The following MPO variants were observed in gnomAD, a reference collection of about 807,000 sequenced individuals.
The protein encoded by MPO is myeloperoxidase.
MPO carries 57 observed loss-of-function variants against 69.4 expected under a neutral mutation model. The observed-to-expected ratio is 0.82, with a 90% CI of 0.66 to 1.02. The LOEUF is 1.02. Among genes scored for constraint, MPO ranks in the 50% least tolerant of loss-of-function variants. The pLI is 0.00. For synonymous variants in MPO, 426 were observed against 417.1 expected (o/e 1.02, Z -0.26); for missense variants, 971 against 1,014.1 (o/e 0.96, Z 0.58).
intron 6 of MPO, 61 bp from the exon 7 acceptor site, chr17:58,278,206 C>T: frequency 6.4e-7 from 1 of 1,571,484 alleles, no homozygotes; most frequent in Non-Finnish European, 8.6e-7. Context: ...CCAGGCAGAA[C>T]TGGATCTCCC....
intron 6 of MPO, 107 bp downstream of exon 6, chr17:58,278,901 C>T: frequency 7.4e-7 from 1 of 1,344,946 alleles, no homozygotes; most frequent in Non-Finnish European, 1.0e-6. Context: ...CAGGGCCAGC[C>T]TTCCTCAGCG....
chr17:58,280,870 T>A lies in MPO; in HGVS notation c.-112A>T. ...GAGGGAGGGGCTCACTGCTCTCTTATCCCCTTGCCAGCTGCTGTCATCCAG... is the reference window on the plus strand; with the variant it reads ...GAGGGAGGGGCTCACTGCTCTCTTAACCCCTTGCCAGCTGCTGTCATCCAG... On this transcript the variant is annotated 5_prime_UTR_variant, in exon 1 of 12. Coordinates refer to ENST00000225275, the MANE Select transcript of MPO (RefSeq NM_000250.2). 7.7e-7 allele frequency: 1 copy of A among 1,301,048 alleles called. No homozygotes were observed. The highest frequency in any genetic ancestry group is 1.1e-6 in the Non-Finnish European group (1 of 937,540). 80.6% of individuals were successfully genotyped at this position (1,301,048 alleles called of 1,614,324 possible).
chr17:58,278,243 C>T, intron 6 of MPO, 98 bp from the exon 7 acceptor site: 1 of 1,421,438 alleles, frequency 7.0e-7, no homozygotes, highest in African/African-American at 1.4e-5. Flanking sequence ...CTGGTACCCT[C>T]AACCTGCAGA....
At position 58,270,120 on chromosome 17, in the gene MPO, A is replaced by G. The variant is rs979858755; in HGVS notation, c.*536T>C. 4.3e-5 allele frequency: 8 copies of G among 185,970 alleles called. No homozygotes were observed. The highest frequency in any genetic ancestry group is 1.9e-4 in the African/African-American group (8 of 42,602). The allele number at this position is 185,970 out of a possible 1,614,324, so 11.5% of individuals were successfully genotyped here. A position where few individuals can be genotyped will look rare whatever the true frequency, so the allele number is the denominator to read the frequency against. On this transcript the variant is annotated 3_prime_UTR_variant, in exon 12 of 12. Transcript: ENST00000225275. The surrounding 1 kb of genome is among the most constrained non-coding windows in gnomAD (Gnocchi z 4.1). ...ACCAGGACACAGATGGCATCTTGGT[A>G]TCTCTTTCTTGCCTCTATATGCTTC... is the stretch of plus-strand genomic sequence containing the variant.
chr17:58,273,319 C>A (rs998586654), intron 9 of MPO, 95 bp downstream of exon 9: 1 of 1,585,942 alleles, frequency 6.3e-7, no homozygotes, highest in Non-Finnish European at 8.6e-7. Context: ...GGGAGGAAAG[C>A]AGACTGCTCC....
At position 58,278,090 on chromosome 17, in the gene MPO, C is replaced by A. The variant is rs1396414568; in HGVS notation, c.941G>T (p.Arg314Leu). 1 of 1,609,150 alleles carries A rather than the reference C, an allele frequency of 6.2e-7. No individual in the cohort carries two copies. Among genetic ancestry groups the A allele is most frequent in the Non-Finnish European group, 8.5e-7 (1 of 1,179,982 alleles). Residue 314 changes from arginine to leucine, a missense_variant, in exon 7 of 12, where the codon CGC becomes CTC. Transcript: ENST00000225275. ...KNQADCIPFFRSCPACPGSNI... is the reference protein window; with the variant it reads ...KNQADCIPFFLSCPACPGSNI... ...GCTCCCGGGGCAAGCCGGGCAGGAG[C>A]GGAAGAACGGGATGCAGTCGGCTTG... is the stretch of plus-strand genomic sequence containing the variant.
chr17:58,274,161 G>A (rs757745196), intron 8 of MPO: 5 of 497,784 alleles, frequency 1.0e-5, no homozygotes, highest in African/African-American at 7.7e-5. Context: ...AAAGCAGGGA[G>A]GCAGGAAGGA....
In MPO at chr17:58,275,300, A is replaced by T. The variant is rs1259665587; in HGVS notation, c.1365+242T>A. 2.6e-5 allele frequency among the ~76,000 whole-genome samples: 4 copies of T among 152,212 alleles called. No individual in the cohort carries two copies. Among genetic ancestry groups the T allele is most frequent in the African/African-American group, 7.2e-5 (3 of 41,460 alleles). ...ACATTCAACCCTCCCAACACCAATA[A>T]CAGACCCACAGGAAAGAAGACTGCA... On this transcript the variant is annotated intron_variant, in intron 8 of 11. Coordinates refer to ENST00000225275, the MANE Select transcript of MPO (RefSeq NM_000250.2). This position sits in a 1 kb window ranked among gnomAD's most constrained non-coding sequence, Gnocchi z 4.1.
At chr17:58,272,630 G>A in intron 10 of MPO, 118 bp downstream of exon 10, 1 of 1,208,656 alleles carries the variant, frequency 8.3e-7, no homozygotes. Context: ...TGAGAGCAAA[G>A]TGCCTCTAAT....
intron 9 of MPO, 106 bp from the exon 10 acceptor site, chr17:58,273,024 G>T: frequency 7.0e-7 from 1 of 1,423,554 alleles, no homozygotes. Flanking sequence ...TCGAGAAGAG[G>T]GCTGGGCACA....
In MPO at chr17:58,275,602, A is replaced by C. The variant is rs766193981; in HGVS notation, c.1305T>G (p.Pro435=). Residue 435 remains proline (P), a synonymous_variant, in exon 8 of 12, where the codon CCT becomes CCG. Transcript: ENST00000225275. This position sits in a 1 kb window ranked among gnomAD's most constrained non-coding sequence, Gnocchi z 4.1. ...GGTAGAGCCTCTCCCCATCCCACCT[A>C]GGGTTCAGGCTCTTGAGCTCTGTGG... ...RLATELKSLN[P]RWDGERLYQE... The C allele has an allele frequency of 1.9e-6, 3 of 1,613,888 alleles. No homozygotes were observed. In the South Asian group the frequency reaches 3.3e-5, roughly 18 times the overall value.
At position 58,275,435 on chromosome 17, in the gene MPO, G is replaced by A. The variant is rs1970424046; in HGVS notation, c.1365+107C>T. On this transcript the variant is annotated intron_variant, in intron 8 of 11. Coordinates refer to ENST00000225275, the MANE Select transcript of MPO (RefSeq NM_000250.2). The surrounding 1 kb of genome is among the most constrained non-coding windows in gnomAD (Gnocchi z 4.1). ...TTATAATCCTTACAGCCTCATGGATGAAGAAGGCAAGGCTCAGGAGCGTTA... is the reference window on the plus strand; with the variant it reads ...TTATAATCCTTACAGCCTCATGGATAAAGAAGGCAAGGCTCAGGAGCGTTA... 1 of 1,406,258 alleles carries A rather than the reference G, an allele frequency of 7.1e-7. No individual in the cohort carries two copies. The highest frequency in any genetic ancestry group is 1.4e-5 in the African/African-American group (1 of 71,000). The allele number at this position is 1,406,258 out of a possible 1,614,324, so 87.1% of individuals were successfully genotyped here.
chr17:58,275,671 G>C lies in MPO; in HGVS notation c.1236C>G (p.Leu412=), dbSNP rs1970427193. 1 of 1,614,198 alleles carries C rather than the reference G, an allele frequency of 6.2e-7. No homozygotes were observed. The highest frequency in any genetic ancestry group is 2.2e-5 in the East Asian group (1 of 44,878). The change falls in exon 8 of 12, where the codon CTC becomes CTG. Residue 412 remains leucine, a synonymous_variant. Coordinates refer to ENST00000225275, the MANE Select transcript of MPO (RefSeq NM_000250.2). This position sits in a 1 kb window ranked among gnomAD's most constrained non-coding sequence, Gnocchi z 4.1. ...GDTRSSEMPE[L]TSMHTLLLRE... ...GAAGTAAGAGGGTGTGCATGGAGGT[G>C]AGCTCGGGCATCTCACTGGAACGGG...
chr17:58,279,400 T>C lies in MPO; in HGVS notation c.575A>G (p.Asn192Ser). ...NRRSPTLGAS[N>S]RAFVRWLPAE... ...CGGCAGCCAGCGCACAAAGGCACGG[T>C]TGGAGGCCCCCAGCGTGGGGCTGCG... Residue 192 changes from asparagine to serine, a missense_variant, in exon 5 of 12, where the codon AAC becomes AGC. Physicochemically the swap from Asn to Ser is conservative, Grantham distance 46. Coordinates refer to ENST00000225275, the MANE Select transcript of MPO (RefSeq NM_000250.2). 6.2e-7 allele frequency: 1 copy of C among 1,608,148 alleles called. No individual in the cohort carries two copies. Among genetic ancestry groups the C allele is most frequent in the Non-Finnish European group, 8.5e-7 (1 of 1,177,640 alleles).
chr17:58,278,671 G>A (rs975166343), intron 6 of MPO, among the ~76,000 whole-genome samples: 1 of 152,104 alleles, frequency 6.6e-6, no homozygotes, highest in South Asian at 2.1e-4. Flanking sequence ...GGCTTGGGGG[G>A]CACTGAGAAG....
rs1324807483 is a variant in MPO at position 58,279,820 on chromosome 17, G to C, written c.424+19C>G. ...GTCACTAGTGGAGCAGGGACCTGGG[G>C]TGTGATGGGCAACAGTACCAGTGAC... is the stretch of plus-strand genomic sequence containing the variant. On this transcript the variant is annotated intron_variant, in intron 3 of 11. Coordinates refer to ENST00000225275, the MANE Select transcript of MPO (RefSeq NM_000250.2). The C allele has an allele frequency of 1.2e-6, 2 of 1,613,910 alleles. No individual in the cohort carries two copies. Among genetic ancestry groups the C allele is most frequent in the Non-Finnish European group, 1.7e-6 (2 of 1,179,986 alleles).
intron 9 of MPO, 122 bp downstream of exon 9, chr17:58,273,292 G>A: frequency 6.8e-7 from 1 of 1,478,446 alleles, no homozygotes; most frequent in South Asian, 1.2e-5. Flanking sequence ...TAGAGAGTCA[G>A]ACCAGATCTC....
rs762528347 is a variant in MPO at position 58,272,865 on chromosome 17, G to T, written c.1675C>A (p.Arg559Ser). Residue 559 changes from arginine to serine, a missense_variant, in exon 10 of 12, where the codon CGT (arginine) becomes AGT (serine). By Grantham distance (110) the Arg-to-Ser change is moderately radical. Coordinates refer to ENST00000225275, the MANE Select transcript of MPO (RefSeq NM_000250.2). ...TCATCCACTGCAATTTGGTTCTGAC[G>T]ATTCAGCTTGGCAGGGGTGGCCATG... The part of the protein sequence containing the change: ...GLMATPAKLN[R>S]QNQIAVDEIR... 1 of 1,614,178 alleles carries T rather than the reference G, an allele frequency of 6.2e-7. No homozygotes were observed. Among genetic ancestry groups the T allele is most frequent in the South Asian group, 1.1e-5 (1 of 91,080 alleles).
rs1970509598 is a variant in MPO, at chr17:58,280,832, G to A, written c.-74C>T. 3 of 1,571,694 alleles carry A rather than the reference G, an allele frequency of 1.9e-6. No homozygotes were observed. The highest frequency in any genetic ancestry group is 2.6e-6 in the Non-Finnish European group (3 of 1,151,410). Reference sequence around the variant, plus strand: ...TCAGAGGGCCCTGTCTATGGATAAAGCCAGACCTCCTTGAGGGAGGGGCTC... The same window carrying A: ...TCAGAGGGCCCTGTCTATGGATAAAACCAGACCTCCTTGAGGGAGGGGCTC... On this transcript the variant is annotated 5_prime_UTR_variant, in exon 1 of 12. Coordinates refer to ENST00000225275, the MANE Select transcript of MPO (RefSeq NM_000250.2).
Sources: gnomAD v4.1 joint callset for allele counts (sites outside exome capture counted in the v4.1 genomes callset) on GRCh38, gnomAD v4.1.1 for gene constraint, Gnocchi (gnomAD v3.1) non-coding constraint, MANE v1.5 for transcripts, NCBI Gene and HGNC (gene_info 2026-07-23, HGNC 2026-07-21) for gene names.